The following DYNC2LI1 variants were observed in gnomAD, a reference collection of about 807,000 sequenced individuals.
The protein encoded by DYNC2LI1 is cytoplasmic dynein 2 light intermediate chain 1.
In DYNC2LI1, 45 loss-of-function variants were observed where a neutral mutation model predicts 51.9. The ratio of observed to expected loss-of-function variants is 0.87; its 90% CI spans 0.68 to 1.11. The LOEUF is 1.11. DYNC2LI1 is among the 50% of genes most tolerant of loss of function. DYNC2LI1 has a pLI of 0.00. For missense variants in DYNC2LI1, 490 were observed against 417.4 expected (o/e 1.17, Z -1.51); for synonymous variants, 130 against 137.8 (o/e 0.94, Z 0.40).
intron 6 of DYNC2LI1, 155 bp downstream of exon 6, chr2:43,794,798 A>AC: frequency 6.7e-7 from 1 of 1,488,652 alleles, no homozygotes; most frequent in Non-Finnish European, 8.9e-7. Flanking sequence ...ATTTATTAAA[A>AC]CCTCAGTAAG....
chr2:43,805,466 T>G (rs1458842752), intron 12 of DYNC2LI1: 1 of 276,394 alleles, frequency 3.6e-6, no homozygotes, highest in Admixed American at 5.3e-5. Context: ...AAATCACCTG[T>G]CATCCCACCA....
chr2:43,810,885 G>A (rs555673971), downstream of DYNC2LI1, among the ~76,000 whole-genome samples: 75 of 152,308 alleles, frequency 4.9e-4, no homozygotes, highest in African/African-American at 1.7e-3. Context: ...TTCCACAAGA[G>A]TAATAGGAAT....
the DYNC2LI1 span, chr2:43,824,084 C>A: frequency 6.2e-7 from 1 of 1,614,222 alleles, no homozygotes; most frequent in Non-Finnish European, 8.5e-7. Context: ...GTAATCACTG[C>A]CAGCTTATTT....
At chr2:43,823,851 A>C in the DYNC2LI1 span, 95 of 1,522,118 alleles carry the variant, frequency 6.2e-5, no homozygotes, top group Non-Finnish European at 8.3e-5. Context: ...TTGTAAGGTT[A>C]CAGCTGGAGA....
the DYNC2LI1 span, chr2:43,822,736 G>T: frequency 6.2e-4 from 1,000 of 1,612,224 alleles, no homozygotes; most frequent in Non-Finnish European, 8.1e-4. Flanking sequence ...CCCTGCACGA[G>T]TCCCACTAGC....
At chr2:43,775,750 C>T (rs546498332) in intron 1 of DYNC2LI1, 10 of 379,876 alleles carry the variant, frequency 2.6e-5, no homozygotes, top group African/African-American at 4.6e-5. Flanking sequence ...TGCAGTGGCA[C>T]GATCTTGGCT....
At chr2:43,804,911 A>AC (rs397966176) in intron 11 of DYNC2LI1, among the ~76,000 whole-genome samples, 172 bp downstream of exon 11, 2 of 150,892 alleles carry the variant, frequency 1.3e-5, no homozygotes, top group Non-Finnish European at 2.9e-5. Context: ...AAAAAAAAAA[A>AC]GGTAAGACAT....
chr2:43,820,170 C>A, the DYNC2LI1 span: 1 of 1,527,484 alleles, frequency 6.5e-7, no homozygotes, highest in South Asian at 1.2e-5. Context: ...GCACTTGCCT[C>A]TGTGAATAAA....
rs942187958 is a variant in DYNC2LI1, at chr2:43,802,740, G to C, written c.802+1031G>C. 2.6e-5 allele frequency among the ~76,000 whole-genome samples: 4 copies of C among 152,122 alleles called. 1 individual carries two copies. The highest frequency in any genetic ancestry group is 2.0e-4 in the Admixed American group (3 of 15,256). On this transcript the variant is annotated intron_variant, in intron 10 of 12. Transcript: ENST00000260605. ...ATGAAAGCCCATGTGAAGATGAATA[G>C]ACGTGCCATAGTGTGGGAGAAAAGA...
At chr2:43,822,487 C>T in the DYNC2LI1 span, 2 of 931,944 alleles carry the variant, frequency 2.1e-6, no homozygotes, top group Non-Finnish European at 2.6e-6. Flanking sequence ...GGCCCCCCCC[C>T]ATGCACCTGG....
At chr2:43,796,578 A>G (rs1674045905) in intron 7 of DYNC2LI1, 140 bp from the exon 8 acceptor site, 1 of 627,158 alleles carries the variant, frequency 1.6e-6, no homozygotes. Context: ...TCTATGAAAT[A>G]AATATCAAGG....
intron 12 of DYNC2LI1, among the ~76,000 whole-genome samples, chr2:43,808,521 A>G (rs992178696): frequency 6.6e-6 from 1 of 152,220 alleles, no homozygotes; most frequent in African/African-American, 2.4e-5. Context: ...TTATTTAGAC[A>G]TTGAACAACA....
Position 43,804,699 on chromosome 2 carries a change from A to C in DYNC2LI1, c.860A>C (p.Glu287Ala). ...AAGCTTCATGCCCACTCACCTATGG[A>C]GTTGTGGAAAAAAGTGTATGAAAAG... ...IGKLHAHSPMELWKKVYEKLF... is the reference protein window; with the variant it reads ...IGKLHAHSPMALWKKVYEKLF... The change falls in exon 11 of 13, where the codon GAG becomes GCG. Residue 287 changes from glutamate (E) to alanine (A), a missense_variant. By Grantham distance (107) the Glu-to-Ala change is moderately radical. Transcript: ENST00000260605. 6 of 1,607,158 alleles carry C rather than the reference A, an allele frequency of 3.7e-6. No homozygotes were observed. The highest frequency in any genetic ancestry group is 5.1e-6 in the Non-Finnish European group (6 of 1,177,602).
intron 1 of DYNC2LI1, 25 bp downstream of exon 1, chr2:43,774,171 GGGAAA>G (rs558159120): frequency 8.2e-5 from 132 of 1,613,526 alleles, no homozygotes; most frequent in Admixed American, 2.8e-4. Flanking sequence ...CGGCTTGCGT[GGGAAA>G]GGCTACTGAG....
chr2:43,813,414 G>C (rs1572736052), downstream of DYNC2LI1: 1 of 809,186 alleles, frequency 1.2e-6, no homozygotes, highest in East Asian at 2.7e-5. Context: ...AAAAATACAG[G>C]ACACTTTAGC....
downstream of DYNC2LI1, chr2:43,814,589 T>C: frequency 6.4e-7 from 1 of 1,571,888 alleles, no homozygotes; most frequent in Non-Finnish European, 8.8e-7. Context: ...CTTGTATGTT[T>C]CTTAAGAAAA....
At chr2:43,806,874 TC>T (rs904696888) in intron 12 of DYNC2LI1, among the ~76,000 whole-genome samples, 2 of 152,060 alleles carry the variant, frequency 1.3e-5, no homozygotes, top group Admixed American at 6.6e-5. Context: ...GATCACCAAT[TC>T]CTGTCATCTC....
chr2:43,787,065 G>A (rs548533349), intron 3 of DYNC2LI1, 116 bp from the exon 4 acceptor site: 2 of 717,360 alleles, frequency 2.8e-6, no homozygotes, highest in South Asian at 1.9e-5. Context: ...TATTATACAA[G>A]GTAACTTCTC....
intron 4 of DYNC2LI1, among the ~76,000 whole-genome samples, chr2:43,787,881 T>A (rs2104681559): frequency 6.6e-6 from 1 of 152,324 alleles, no homozygotes; most frequent in Non-Finnish European, 1.5e-5. Context: ...ATCCCGCTAC[T>A]CTGCTAACAC....
Sources: gnomAD v4.1 joint callset for allele counts (sites outside exome capture counted in the v4.1 genomes callset) on GRCh38, gnomAD v4.1.1 for gene constraint, MANE v1.5 for transcripts, NCBI Gene and HGNC (gene_info 2026-07-23, HGNC 2026-07-21) for gene names.